The following GALNT13 variants were observed in gnomAD, a reference collection of about 807,000 sequenced individuals.
GALNT13 encodes polypeptide N-acetylgalactosaminyltransferase 13.
In GALNT13, 28 loss-of-function variants were observed where a neutral mutation model predicts 64.2. The ratio of observed to expected loss-of-function variants is 0.44; its 90% CI spans 0.32 to 0.60. GALNT13 has a LOEUF of 0.60. Ranked by LOEUF, GALNT13 falls within the 20% of genes least tolerant of loss-of-function variation. The pLI is 0.05. For synonymous variants in GALNT13, 214 were observed against 224.6 expected, an observed-to-expected ratio of 0.95 and a Z score of 0.42; for missense variants, 577 against 669.8, an observed-to-expected ratio of 0.86 and a Z score of 1.53.
At chr2:153,420,521 T>C in the GALNT13 span, among the ~76,000 whole-genome samples, 1 of 152,154 alleles carries the variant, frequency 6.6e-6, no homozygotes, top group Non-Finnish European at 1.5e-5. Flanking sequence ...ATTTGAGACA[T>C]GATGGAAAAA....
At chr2:153,153,813 A>G in the GALNT13 span, among the ~76,000 whole-genome samples, 1 of 151,878 alleles carries the variant, frequency 6.6e-6, no homozygotes, top group Non-Finnish European at 1.5e-5. Flanking sequence ...CCTGTAGTAT[A>G]ATTTGAAATT....
chr2:154,190,673 A>T lies in GALNT13; in HGVS notation c.311+50168A>T, dbSNP rs754702950. On this transcript the variant is annotated intron_variant, in intron 4 of 12. Transcript: ENST00000392825. ...TAACCTAATCAAACACCATAAGTGC[A>T]GTTGTTTAGCATTGCAACCTCTGAA... 9.7e-4 allele frequency among the ~76,000 whole-genome samples: 148 copies of T among 152,214 alleles called. 1 individual carries two copies. The highest frequency in any genetic ancestry group is 3.1e-4 in the Non-Finnish European group (21 of 68,026).
chr2:153,189,924 A>T, the GALNT13 span, among the ~76,000 whole-genome samples: 43 of 152,094 alleles, frequency 2.8e-4, no homozygotes, highest in African/African-American at 9.4e-4. Context: ...GTCTGTTTAG[A>T]TTATTTGTCC....
the GALNT13 span, among the ~76,000 whole-genome samples, chr2:153,137,568 A>C: frequency 2.0e-5 from 3 of 152,072 alleles, no homozygotes; most frequent in Non-Finnish European, 2.9e-5. Flanking sequence ...ATCTCTGATC[A>C]TACCTCCTAA....
chr2:154,225,101 GAGATAGATAGATAGATAGAT>G (rs3078692), intron 4 of GALNT13, among the ~76,000 whole-genome samples: 4 of 136,110 alleles, frequency 2.9e-5, no homozygotes, highest in South Asian at 2.5e-4. Flanking sequence ...CACACATGGA[GAGATAGATAGATAGATAGAT>G]AGATAGATAG....
chr2:153,558,042 A>G, the GALNT13 span, among the ~76,000 whole-genome samples: 26 of 152,306 alleles, frequency 1.7e-4, no homozygotes, highest in Non-Finnish European at 2.5e-4. Context: ...TTTCCTTATC[A>G]CTATTTATAA....
intron 9 of GALNT13, among the ~76,000 whole-genome samples, chr2:154,371,362 T>C (rs948465490): frequency 6.6e-6 from 1 of 152,074 alleles, no homozygotes; most frequent in Admixed American, 6.6e-5. Context: ...AATGTTGCTG[T>C]CAATGTTGTG....
At chr2:154,215,579 T>C (rs10166803) in intron 4 of GALNT13, among the ~76,000 whole-genome samples, 30,580 of 152,144 alleles carry the variant, frequency 0.2, 3,284 homozygotes, top group Middle Eastern at 0.33. Context: ...TAGTAACTAT[T>C]TGCTCTCCTT....
chr2:154,094,988 T>A (rs1052098702), intron 3 of GALNT13, among the ~76,000 whole-genome samples: 1 of 151,980 alleles, frequency 6.6e-6, no homozygotes, highest in African/African-American at 2.4e-5. Context: ...TTGTATTGAA[T>A]CCAGGTCCAG....
intron 3 of GALNT13, among the ~76,000 whole-genome samples, chr2:153,982,761 C>T (rs1694551164): frequency 6.6e-6 from 1 of 151,734 alleles, no homozygotes; most frequent in Non-Finnish European, 1.5e-5. Flanking sequence ...TTTTATTTTT[C>T]AAAAGATTTA....
At chr2:153,461,722 G>A in the GALNT13 span, among the ~76,000 whole-genome samples, 11,351 of 152,096 alleles carry the variant, frequency 0.075, 500 homozygotes, top group South Asian at 0.15. Context: ...AGGCTCCACA[G>A]GGAAGGGACT....
chr2:153,661,573 A>C, the GALNT13 span, among the ~76,000 whole-genome samples: 8 of 151,788 alleles, frequency 5.3e-5, no homozygotes, highest in African/African-American at 1.5e-4. Context: ...ATTGATATCA[A>C]CTCCCTGGTA....
chr2:153,770,504 A>G, the GALNT13 span, among the ~76,000 whole-genome samples: 1 of 152,168 alleles, frequency 6.6e-6, no homozygotes, highest in Non-Finnish European at 1.5e-5. Context: ...AGTGCTACGC[A>G]CTGGTGTTGA....
At chr2:154,086,883 G>A (rs1056439531) in intron 3 of GALNT13, among the ~76,000 whole-genome samples, 1 of 152,080 alleles carries the variant, frequency 6.6e-6, no homozygotes, top group African/African-American at 2.4e-5. Context: ...AAACTGTCTA[G>A]ATAGAACAAA....
At chr2:154,161,800 T>C (rs1684742459) in intron 4 of GALNT13, among the ~76,000 whole-genome samples, 1 of 151,982 alleles carries the variant, frequency 6.6e-6, no homozygotes, top group Non-Finnish European at 1.5e-5. Context: ...TTTTTTGTTT[T>C]CAGACGGTCT....
At chr2:153,677,487 C>T in the GALNT13 span, among the ~76,000 whole-genome samples, 1 of 151,966 alleles carries the variant, frequency 6.6e-6, no homozygotes, top group South Asian at 2.1e-4. Context: ...CTACCCAAAG[C>T]AATTTATAGA....
the GALNT13 span, among the ~76,000 whole-genome samples, chr2:153,624,841 G>A: frequency 6.7e-6 from 1 of 149,034 alleles, no homozygotes; most frequent in Non-Finnish European, 1.5e-5. Context: ...TTATAGAGTG[G>A]CAAAACATTT....
At chr2:153,918,690 G>A (rs1435413552) in intron 2 of GALNT13, among the ~76,000 whole-genome samples, 1 of 152,094 alleles carries the variant, frequency 6.6e-6, no homozygotes, top group East Asian at 1.9e-4. Flanking sequence ...AAGGGTGATA[G>A]TTCAAATGAA....
the GALNT13 span, among the ~76,000 whole-genome samples, chr2:153,406,464 G>C: frequency 6.6e-6 from 1 of 152,044 alleles, no homozygotes; most frequent in African/African-American, 2.4e-5. Flanking sequence ...CTGGAGTGCA[G>C]TGGTCCGATC....
Sources: gnomAD v4.1 joint callset for allele counts (sites outside exome capture counted in the v4.1 genomes callset) on GRCh38, gnomAD v4.1.1 for gene constraint, MANE v1.5 for transcripts, NCBI Gene and HGNC (gene_info 2026-07-23, HGNC 2026-07-21) for gene names.